PLEKHG6: variants seen among roughly 807,000 people sequenced by gnomAD.
PLEKHG6 encodes pleckstrin homology and RhoGEF domain containing G6, also known as pleckstrin homology domain-containing family G member 6.
PLEKHG6 carries 91 observed loss-of-function variants against 97.5 expected under a neutral mutation model. That is an observed-to-expected ratio of 0.93 (90% confidence interval 0.79 to 1.11). The LOEUF is 1.11. Among genes scored for constraint, PLEKHG6 ranks in the 50% most tolerant of loss-of-function variants. PLEKHG6 has a pLI of 0.00. For missense variants in PLEKHG6, 1,044 were observed against 1,031.0 expected (o/e 1.01, Z -0.17); for synonymous variants, 466 against 425.5 (o/e 1.10, Z -1.17).
At chr12:6,317,136 G>A (rs1223949995) in intron 7 of PLEKHG6, among the ~76,000 whole-genome samples, 167 bp from the exon 8 acceptor site, 2 of 152,244 alleles carry the variant, frequency 1.3e-5, no homozygotes, top group Non-Finnish European at 2.9e-5. Context: ...AAGGGGCGTA[G>A]CCTCGAGAGC....
intron 3 of PLEKHG6, among the ~76,000 whole-genome samples, chr12:6,314,693 A>G (rs1333601708): frequency 6.6e-6 from 1 of 151,914 alleles, no homozygotes; most frequent in Non-Finnish European, 1.5e-5. Flanking sequence ...GATTCAGGAG[A>G]CCCATGGAAG....
At chr12:6,328,008 G>GGT in intron 15 of PLEKHG6, 62 bp downstream of exon 15, 26 of 1,554,656 alleles carry the variant, frequency 1.7e-5, no homozygotes, top group Non-Finnish European at 2.3e-5. Context: ...ATGGTGGTGG[G>GGT]GTGTAGTATA....
Position 6,327,688 on chromosome 12 carries a change from A to T in PLEKHG6, c.2105A>T (p.Asp702Val). ...GQLPSSPTHA[D>V]SAGESPWESS... ...CTTCCCTCCTCCCCAACCCATGCTG[A>T]CTCTGCCGGGGAAAGCCCCTGGGAG... is the stretch of plus-strand genomic sequence containing the variant. Residue 702 changes from aspartate (D) to valine (V), a missense_variant, in exon 15 of 16, where the codon GAC becomes GTC. Transcript: ENST00000684764. 6.4e-7 allele frequency: 1 copy of T among 1,562,416 alleles called. No homozygotes were observed. Among genetic ancestry groups the T allele is most frequent in the Non-Finnish European group, 8.7e-7 (1 of 1,151,796 alleles).
rs1475372420 is a variant in PLEKHG6 at position 6,317,540 on chromosome 12, C to T, written c.868-7C>T. 9.9e-6 allele frequency: 16 copies of T among 1,613,244 alleles called. No individual in the cohort carries two copies. Among genetic ancestry groups the T allele is most frequent in the Non-Finnish European group, 1.3e-5 (15 of 1,179,700 alleles). ...CAAACCCTGAGCCCCACCCACCTTC[C>T]CTGCAGTGGTGTGAGAAGCACAAGC... On this transcript the variant is annotated splice_polypyrimidine_tract_variant and splice_region_variant and intron_variant, in intron 8 of 15. Coordinates refer to ENST00000684764, the MANE Select transcript of PLEKHG6 (RefSeq NM_001384598.1).
chr12:6,327,845 C>T lies in PLEKHG6; in HGVS notation c.2262C>T (p.Ala754=), dbSNP rs543346030. ...TGGCCAGCCAAAGGATTGAGGGGGC[C>T]GAGGAGCCCCGGGACAGCAGGCCAC... The part of the protein sequence containing the change: ...EELASQRIEG[A]EEPRDSRPRK... The change falls in exon 15 of 16, where the codon GCC becomes GCT. Residue 754 remains alanine, a synonymous_variant. Transcript: ENST00000684764. 131 of 1,505,960 alleles carry T rather than the reference C, an allele frequency of 8.7e-5. No homozygotes were observed. Among genetic ancestry groups the T allele is most frequent in the Non-Finnish European group, 1.1e-4 (119 of 1,128,596 alleles). The allele number at this position is 1,505,960 out of a possible 1,614,324, so 93.3% of individuals were successfully genotyped here.
chr12:6,319,113 G>A lies in PLEKHG6; in HGVS notation c.1524+5G>A, dbSNP rs1466696173. On this transcript the variant is annotated splice_donor_5th_base_variant and intron_variant, in intron 13 of 15. Coordinates refer to ENST00000684764, the MANE Select transcript of PLEKHG6 (RefSeq NM_001384598.1). Reference sequence around the variant, plus strand: ...GAGAAGACCCAGCAGGCCCAGGTATGGGAAAGCCAGCAACGGGGAGGCATG... The same window carrying A: ...GAGAAGACCCAGCAGGCCCAGGTATAGGAAAGCCAGCAACGGGGAGGCATG... 1 of 1,593,230 alleles carries A rather than the reference G, an allele frequency of 6.3e-7. No homozygotes were observed. The highest frequency in any genetic ancestry group is 8.6e-7 in the Non-Finnish European group (1 of 1,163,926).
Position 6,317,408 on chromosome 12 carries a change from G to C in PLEKHG6, c.862G>C (p.Val288Leu), listed in dbSNP as rs747274971. ...AACTAACCCTCTCTTCCATGCCTTCGTGCAGGTGGGAGAAGGGGTGCTGGG... is the reference window on the plus strand; with the variant it reads ...AACTAACCCTCTCTTCCATGCCTTCCTGCAGGTGGGAGAAGGGGTGCTGGG... Reference protein sequence around the residue: ...QETNPLFHAFVQWCEKHKRSG... With the variant: ...QETNPLFHAFLQWCEKHKRSG... The change falls in exon 8 of 16, where the codon GTG becomes CTG. Residue 288 changes from valine to leucine, a missense_variant. Coordinates refer to ENST00000684764, the MANE Select transcript of PLEKHG6 (RefSeq NM_001384598.1). The C allele has an allele frequency of 2.5e-6, 4 of 1,613,088 alleles. No individual in the cohort carries two copies. The highest frequency in any genetic ancestry group is 3.4e-6 in the Non-Finnish European group (4 of 1,179,220).
At chr12:6,319,230 C>T in intron 13 of PLEKHG6, 122 bp downstream of exon 13, 1 of 679,500 alleles carries the variant, frequency 1.5e-6, no homozygotes, top group East Asian at 2.8e-5. Flanking sequence ...GGTGGATCAC[C>T]TGAGGTCAGG....
rs1387109946 is a variant in PLEKHG6 at position 6,327,908 on chromosome 12, GC to G, written c.2329del (p.His777ThrfsTer42). 2.7e-6 allele frequency: 4 copies of G among 1,483,468 alleles called. No individual in the cohort carries two copies. The East Asian group carries it at 9.4e-5, about 35-fold the overall frequency. The allele number at this position is 1,483,468 out of a possible 1,614,324, so 91.9% of individuals were successfully genotyped here. ...TRAQLQRMRG[P>X]HIIQLDTPLS... is the part of the protein sequence containing the mutation. The stretch of plus-strand genomic sequence containing the variant: ...GGGCCCAGCTGCAGAGGATGCGGGG[GC>G]CCCACATCATTCAGCTGGACACCCC... On this transcript the variant is annotated frameshift_variant, in exon 15 of 16. Transcript: ENST00000684764. LOFTEE classifies it high-confidence loss of function.
In PLEKHG6 at chr12:6,328,369, C is replaced by T; in HGVS notation, c.*224C>T. 1.9e-6 allele frequency: 1 copy of T among 520,698 alleles called. No individual in the cohort carries two copies. The highest frequency in any genetic ancestry group is 3.3e-5 in the East Asian group (1 of 30,744). 32.3% of individuals were successfully genotyped at this position (520,698 alleles called of 1,614,324 possible). A position where few individuals can be genotyped will look rare whatever the true frequency, so the allele number is the denominator to read the frequency against. On this transcript the variant is annotated 3_prime_UTR_variant, in exon 16 of 16. Coordinates refer to ENST00000684764, the MANE Select transcript of PLEKHG6 (RefSeq NM_001384598.1). ...AGAAAGTTGTGCATAAAAATGACTGCCCTGGCTGGGCATGGCTGCCTGTAA... is the reference window on the plus strand; with the variant it reads ...AGAAAGTTGTGCATAAAAATGACTGTCCTGGCTGGGCATGGCTGCCTGTAA...
intron 13 of PLEKHG6, among the ~76,000 whole-genome samples, chr12:6,322,951 C>T (rs1261063211): frequency 6.6e-6 from 1 of 152,152 alleles, no homozygotes; most frequent in Non-Finnish European, 1.5e-5. Flanking sequence ...GGGACAAAAG[C>T]GCAAGCTAGT....
At chr12:6,321,014 G>A (rs984191308) in intron 13 of PLEKHG6, among the ~76,000 whole-genome samples, 37 of 150,314 alleles carry the variant, frequency 2.5e-4, no homozygotes, top group African/African-American at 9.0e-4. Flanking sequence ...GACAGCCACC[G>A]TGAATTCTTT....
chr12:6,325,861 CCA>C (rs1947841046), intron 13 of PLEKHG6, among the ~76,000 whole-genome samples: 1 of 152,140 alleles, frequency 6.6e-6, no homozygotes, highest in Admixed American at 6.5e-5. Context: ...AACACTAGCT[CCA>C]GAGTTTGGTG....
intron 2 of PLEKHG6, 120 bp downstream of exon 2, chr12:6,312,484 T>G (rs1947308043): frequency 2.5e-6 from 3 of 1,213,802 alleles, no homozygotes. Context: ...CTTACCCTAC[T>G]CTTCTTTCCT....
intron 13 of PLEKHG6, among the ~76,000 whole-genome samples, chr12:6,322,021 A>G (rs1372845887): frequency 6.6e-6 from 1 of 152,062 alleles, no homozygotes; most frequent in Non-Finnish European, 1.5e-5. Flanking sequence ...CACAATGACT[A>G]CCTGCTTCCT....
At chr12:6,317,041 G>A (rs774094139) in intron 7 of PLEKHG6, among the ~76,000 whole-genome samples, 36 of 152,212 alleles carry the variant, frequency 2.4e-4, no homozygotes, top group Non-Finnish European at 5.0e-4. Context: ...CAGAGCAGCA[G>A]GCCCCAGTAG....
In PLEKHG6 at chr12:6,318,002, G is replaced by T; in HGVS notation, c.1155+8G>T. On this transcript the variant is annotated splice_region_variant and intron_variant, in intron 10 of 15. Coordinates refer to ENST00000684764, the MANE Select transcript of PLEKHG6 (RefSeq NM_001384598.1). ...AGTGATGAGGTGGAGAAGGTGAGAG[G>T]GCAAAGGGAAGGGACCCAGGAAAAG... 1.9e-6 allele frequency: 3 copies of T among 1,584,848 alleles called. No individual in the cohort carries two copies. The highest frequency in any genetic ancestry group is 2.6e-6 in the Non-Finnish European group (3 of 1,164,944).
intron 1 of PLEKHG6, among the ~76,000 whole-genome samples, chr12:6,311,944 C>A (rs1947283461): frequency 1.3e-5 from 2 of 152,128 alleles, no homozygotes; most frequent in Non-Finnish European, 2.9e-5. Flanking sequence ...GGTACATCTC[C>A]AAGGGGCTTC....
chr12:6,316,066 C>G lies in PLEKHG6; in HGVS notation c.606+147C>G. The G allele has an allele frequency of 1.1e-6, 1 of 923,470 alleles. No individual in the cohort carries two copies. The highest frequency in any genetic ancestry group is 1.6e-6 in the Non-Finnish European group (1 of 619,858). 57.2% of individuals were successfully genotyped at this position (923,470 alleles called of 1,614,324 possible). Reference sequence around the variant, plus strand: ...CTCCCTACTTCCCTGTTACTGGGGACTCCAAGCAGGCCACAGGCCCCCCAT... The same window carrying G: ...CTCCCTACTTCCCTGTTACTGGGGAGTCCAAGCAGGCCACAGGCCCCCCAT... On this transcript the variant is annotated intron_variant, in intron 6 of 15. Coordinates refer to ENST00000684764, the MANE Select transcript of PLEKHG6 (RefSeq NM_001384598.1). This position sits in a 1 kb window ranked among gnomAD's most constrained non-coding sequence, Gnocchi z 4.1.
Sources: allele counts gnomAD v4.1 joint callset (sites outside exome capture counted in the v4.1 genomes callset), GRCh38; gene constraint gnomAD v4.1.1; non-coding constraint Gnocchi (gnomAD v3.1); transcripts MANE v1.5; gene names NCBI Gene and HGNC (gene_info 2026-07-23, HGNC 2026-07-21).